ABCA12: variants seen among roughly 807,000 people sequenced by gnomAD.
The protein encoded by ABCA12 is ATP binding cassette subfamily A member 12, also known as glucosylceramide transporter ABCA12.
In ABCA12, 156 loss-of-function variants were observed where a neutral mutation model predicts 293.5. That is an observed-to-expected ratio of 0.53 (90% confidence interval 0.47 to 0.61). The LOEUF is 0.61. Among genes scored for constraint, ABCA12 ranks in the 20% least tolerant of loss-of-function variants. ABCA12 has a pLI of 0.00. For missense variants in ABCA12, 2,797 were observed against 3,090.2 expected, an observed-to-expected ratio of 0.91 and a Z score of 2.25; for synonymous variants, 1,063 against 1,108.0, an observed-to-expected ratio of 0.96 and a Z score of 0.81.
intron 39 of ABCA12, among the ~76,000 whole-genome samples, chr2:214,965,316 G>A (rs772987562): frequency 3.3e-5 from 5 of 152,002 alleles, no homozygotes; most frequent in Admixed American, 1.3e-4. Flanking sequence ...ACATAGGCAC[G>A]GGCAAAAATT....
At chr2:215,005,638 T>C (rs1574977164) in intron 19 of ABCA12, among the ~76,000 whole-genome samples, 1 of 152,166 alleles carries the variant, frequency 6.6e-6, no homozygotes, top group African/African-American at 2.4e-5. Context: ...ACAAATAAAG[T>C]ACTGTGTTAG....
intron 1 of ABCA12, among the ~76,000 whole-genome samples, chr2:215,116,152 T>C (rs931440177): frequency 2.0e-5 from 3 of 152,198 alleles, no homozygotes; most frequent in African/African-American, 7.2e-5. Context: ...AGGCATAAAA[T>C]GCAGATAAAA....
At chr2:215,067,960 G>A (rs1701667882) in intron 2 of ABCA12, among the ~76,000 whole-genome samples, 1 of 152,146 alleles carries the variant, frequency 6.6e-6, no homozygotes, top group South Asian at 2.1e-4. Flanking sequence ...TTTTTTAAAT[G>A]TATGCTTTGT....
chr2:215,092,825 A>T (rs780665672), intron 2 of ABCA12, among the ~76,000 whole-genome samples: 1 of 152,110 alleles, frequency 6.6e-6, no homozygotes, highest in Non-Finnish European at 1.5e-5. Context: ...TTATTCTGTT[A>T]TGGATCTCAA....
chr2:215,112,372 G>A (rs1310048569), intron 1 of ABCA12, among the ~76,000 whole-genome samples: 1 of 139,640 alleles, frequency 7.2e-6, no homozygotes, highest in Non-Finnish European at 1.5e-5. Context: ...CAAATAAACT[G>A]GACGTTCATT....
chr2:214,981,143 T>C (rs1699642093), intron 30 of ABCA12, among the ~76,000 whole-genome samples: 1 of 151,952 alleles, frequency 6.6e-6, no homozygotes, highest in South Asian at 2.1e-4. Flanking sequence ...AGGGTGTTCT[T>C]AAATATTTGG....
chr2:215,138,025 T>A, intron 1 of ABCA12, 115 bp downstream of exon 1: 1 of 1,082,558 alleles, frequency 9.2e-7, no homozygotes, highest in South Asian at 1.3e-5. Context: ...TCTTACTTCC[T>A]GCTTTGGAAA....
intron 2 of ABCA12, among the ~76,000 whole-genome samples, chr2:215,067,743 T>G (rs994253813): frequency 2.0e-5 from 3 of 152,132 alleles, no homozygotes; most frequent in Non-Finnish European, 4.4e-5. Flanking sequence ...GAGGTCATTC[T>G]CATTGAATGG....
intron 1 of ABCA12, among the ~76,000 whole-genome samples, chr2:215,124,293 G>A (rs547351200): frequency 1.3e-5 from 2 of 152,208 alleles, no homozygotes; most frequent in South Asian, 2.1e-4. Context: ...GTACCTTTTC[G>A]AATAATGACT....
rs988248895 is a variant in ABCA12, at chr2:214,950,944, A to T, written c.6787T>A (p.Tyr2263Asn). ...LVQLYCLTKT[Y>N]QLIHKKIIAV... Reference sequence around the variant, plus strand: ...ATAATCTTTTTGTGGATAAGTTGGTAGGTCTTTGTGAGACAATAAAGTTGG... The same window carrying T: ...ATAATCTTTTTGTGGATAAGTTGGTTGGTCTTTGTGAGACAATAAAGTTGG... Residue 2263 changes from tyrosine to asparagine, a missense_variant, in exon 45 of 53, where the codon TAC (tyrosine) becomes AAC (asparagine). Tyr to Asn is a moderately radical substitution (Grantham distance 143). Around this residue, in one of 3 missense-constraint regions of ABCA12, gnomAD observed 2,130 missense variants for 2,427.0 expected, o/e 0.88. Transcript: ENST00000272895. 5 of 1,614,082 alleles carry T rather than the reference A, an allele frequency of 3.1e-6. No homozygotes were observed. The highest frequency in any genetic ancestry group is 4.2e-6 in the Non-Finnish European group (5 of 1,180,040).
At chr2:214,989,308 C>T in intron 26 of ABCA12, 21 bp downstream of exon 26, 1 of 1,610,454 alleles carries the variant, frequency 6.2e-7, no homozygotes, top group Non-Finnish European at 8.5e-7. Context: ...AAGCATGTAT[C>T]TGTAGGAAGC....
intron 2 of ABCA12, among the ~76,000 whole-genome samples, chr2:215,110,517 C>T (rs1702551442): frequency 6.6e-6 from 1 of 151,850 alleles, no homozygotes; most frequent in South Asian, 2.1e-4. Context: ...TACGTCTCGA[C>T]AAAACAAAAC....
At chr2:214,964,149 T>A (rs896081928) in intron 39 of ABCA12, among the ~76,000 whole-genome samples, 11 of 152,096 alleles carry the variant, frequency 7.2e-5, no homozygotes, top group African/African-American at 2.4e-4. Flanking sequence ...ATTATCTCCA[T>A]AGACGCGGAT....
At chr2:215,094,549 C>T (rs186671313) in intron 2 of ABCA12, among the ~76,000 whole-genome samples, 186 of 152,280 alleles carry the variant, frequency 1.2e-3, no homozygotes, top group African/African-American at 4.1e-3. Context: ...GTTTCACAAC[C>T]TCTTCTATGT....
At chr2:215,044,184 G>C (rs1701158023) in intron 7 of ABCA12, among the ~76,000 whole-genome samples, 1 of 152,098 alleles carries the variant, frequency 6.6e-6, no homozygotes, top group South Asian at 2.1e-4. Flanking sequence ...CCCAAGAGTA[G>C]AATGCAGCCT....
At chr2:214,977,650 G>A (rs1699547942) in intron 33 of ABCA12, among the ~76,000 whole-genome samples, 1 of 152,118 alleles carries the variant, frequency 6.6e-6, no homozygotes, top group Non-Finnish European at 1.5e-5. Flanking sequence ...TTTCAAAAGA[G>A]CCCAATCCCA....
chr2:215,015,234 C>T (rs1044922192), intron 15 of ABCA12, among the ~76,000 whole-genome samples: 2 of 149,656 alleles, frequency 1.3e-5, no homozygotes, highest in Admixed American at 6.7e-5. Flanking sequence ...AGTAACAGTA[C>T]ATATTAAATT....
At chr2:214,947,738 T>G in intron 47 of ABCA12, 182 bp from the exon 48 acceptor site, 2 of 714,714 alleles carry the variant, frequency 2.8e-6, no homozygotes, top group Non-Finnish European at 4.5e-6. Context: ...TAAGGATTAA[T>G]AGTTTATTTA....
chr2:215,066,149 G>A (rs1281905161), intron 2 of ABCA12, among the ~76,000 whole-genome samples: 1 of 152,242 alleles, frequency 6.6e-6, no homozygotes, highest in Middle Eastern at 3.4e-3. Context: ...ACTGCATATG[G>A]CAAGACCTTT....
Sources: allele counts gnomAD v4.1 joint callset (sites outside exome capture counted in the v4.1 genomes callset), GRCh38; gene constraint gnomAD v4.1.1; regional missense constraint gnomAD v4.1.1; transcripts MANE v1.5; gene names NCBI Gene and HGNC (gene_info 2026-07-23, HGNC 2026-07-21).